Variants in IFNAR1 observed in about 807,000 individuals in gnomAD.
The protein encoded by IFNAR1 is interferon alpha/beta receptor 1.
In IFNAR1, 47 loss-of-function variants were observed where a neutral mutation model predicts 62.1. The observed-to-expected ratio is 0.76, with a 90% CI of 0.60 to 0.97. IFNAR1 has a LOEUF of 0.97. IFNAR1 is among the 50% of genes least tolerant of loss of function. The pLI, the probability that IFNAR1 is intolerant of heterozygous loss-of-function variation, is 0.00. For synonymous variants in IFNAR1, 219 were observed against 226.9 expected (o/e 0.97, Z 0.31); for missense variants, 638 against 654.5 (o/e 0.97, Z 0.27).
intron 5 of IFNAR1, 21 bp downstream of exon 5, chr21:33,343,697 T>G (rs752548073): frequency 1.0e-5 from 16 of 1,533,822 alleles, no homozygotes; most frequent in Non-Finnish European, 1.2e-5. Flanking sequence ...TGTTTTGTTT[T>G]AGATTCAATA....
chr21:33,325,993 G>A (rs1191034434), intron 1 of IFNAR1, among the ~76,000 whole-genome samples: 1 of 151,960 alleles, frequency 6.6e-6, no homozygotes, highest in Non-Finnish European at 1.5e-5. Context: ...ATTGTTGGGG[G>A]GCTTAGAATT....
Position 33,353,624 on chromosome 21 carries a change from G to A in IFNAR1, c.1295-14G>A, listed in dbSNP as rs374733127. On this transcript the variant is annotated splice_polypyrimidine_tract_variant and intron_variant, in intron 9 of 10. Transcript: ENST00000270139. ...TGTCAAAATATATGCTAAATATCAC[G>A]TATATCTTTTTAGGAAATACCTCTA... The A allele has an allele frequency of 7.5e-6, 11 of 1,464,700 alleles. No individual in the cohort carries two copies. The highest frequency in any genetic ancestry group is 3.7e-5 in the South Asian group (3 of 80,678). The allele number at this position is 1,464,700 out of a possible 1,614,324, so 90.7% of individuals were successfully genotyped here.
At chr21:33,344,527 A>G (rs2083326475) in intron 5 of IFNAR1, among the ~76,000 whole-genome samples, 1 of 151,704 alleles carries the variant, frequency 6.6e-6, no homozygotes, top group Non-Finnish European at 1.5e-5. Flanking sequence ...AGAGATAAGC[A>G]TTGCTTAGCA....
intron 3 of IFNAR1, among the ~76,000 whole-genome samples, chr21:33,342,322 G>A (rs1044208392): frequency 2.0e-5 from 3 of 152,058 alleles, no homozygotes; most frequent in African/African-American, 2.4e-5. Flanking sequence ...GAAGAGGGAG[G>A]ATCACTTGAG....
At chr21:33,326,879 A>G (rs2083131630) in intron 1 of IFNAR1, among the ~76,000 whole-genome samples, 1 of 152,002 alleles carries the variant, frequency 6.6e-6, no homozygotes, top group Admixed American at 6.6e-5. Flanking sequence ...CTTACTTGGG[A>G]TGCATGGGGG....
At chr21:33,352,690 A>C in intron 8 of IFNAR1, 68 bp from the exon 9 acceptor site, 1 of 839,332 alleles carries the variant, frequency 1.2e-6, no homozygotes, top group Non-Finnish European at 1.9e-6. Context: ...TAAAAAATTG[A>C]GAAAGCACAT....
intron 1 of IFNAR1, among the ~76,000 whole-genome samples, chr21:33,331,224 C>A (rs2083176589): frequency 1.3e-5 from 2 of 152,318 alleles, no homozygotes; most frequent in African/African-American, 4.8e-5. Context: ...ATCCTATTTC[C>A]TGGGAACACA....
At chr21:33,337,470 A>G (rs576131702) in intron 2 of IFNAR1, among the ~76,000 whole-genome samples, 40 of 152,202 alleles carry the variant, frequency 2.6e-4, no homozygotes, top group African/African-American at 9.2e-4. Context: ...AAAGCAGGCA[A>G]TGAAGAAATA....
At chr21:33,335,110 C>G (rs980541610) in intron 1 of IFNAR1, 2 of 723,956 alleles carry the variant, frequency 2.8e-6, no homozygotes, top group Non-Finnish European at 5.0e-6. Context: ...TTTATTTGGA[C>G]GTAACACCAT....
chr21:33,343,292 A>T lies in IFNAR1; in HGVS notation c.401A>T (p.His134Leu). 6.2e-7 allele frequency: 1 copy of T among 1,613,242 alleles called. No homozygotes were observed. Among genetic ancestry groups the T allele is most frequent in the Admixed American group, 1.7e-5 (1 of 59,902 alleles). The change falls in exon 4 of 11, where the codon CAT becomes CTT. Residue 134 changes from histidine (H) to leucine (L), a missense_variant. Transcript: ENST00000270139. The part of the protein sequence containing the change: ...RKAQIGPPEV[H>L]LEAEDKAIVI... ...GCTCAGATTGGTCCTCCAGAAGTAC[A>T]TTTAGAAGCTGAAGATAAGGCAATA...
Position 33,343,417 on chromosome 21 carries a change from G to C in IFNAR1, c.526G>C (p.Val176Leu), listed in dbSNP as rs1162634704. The C allele has an allele frequency of 6.2e-7, 1 of 1,610,146 alleles. No individual in the cohort carries two copies. The highest frequency in any genetic ancestry group is 1.3e-5 in the African/African-American group (1 of 74,838). ...AGTTATCTGGAAAAACTCTTCAGGTGTAGAAGTAAGCATTATTTTTACCTC... is the reference window on the plus strand; with the variant it reads ...AGTTATCTGGAAAAACTCTTCAGGTCTAGAAGTAAGCATTATTTTTACCTC... ...SLVIWKNSSGVEERIENIYSR... is the reference protein window; with the variant it reads ...SLVIWKNSSGLEERIENIYSR... The change falls in exon 4 of 11, where the codon GTA becomes CTA. Residue 176 changes from valine to leucine, a missense_variant. Coordinates refer to ENST00000270139, the MANE Select transcript of IFNAR1 (RefSeq NM_000629.3).
At chr21:33,325,177 C>T (rs2083114308) in intron 1 of IFNAR1, 46 bp downstream of exon 1, 2 of 1,533,054 alleles carry the variant, frequency 1.3e-6, no homozygotes, top group Non-Finnish European at 1.8e-6. Context: ...GGAGGTAGGG[C>T]ACGCAGCTGG....
intron 6 of IFNAR1, 110 bp from the exon 7 acceptor site, chr21:33,348,981 C>T: frequency 7.7e-6 from 5 of 650,124 alleles, no homozygotes; most frequent in Non-Finnish European, 1.3e-5. Flanking sequence ...TGTGAGTTTC[C>T]TGAGTGTGGA....
intron 1 of IFNAR1, chr21:33,335,150 A>C (rs1601855412): frequency 3.3e-6 from 2 of 600,494 alleles, no homozygotes; most frequent in Admixed American, 2.5e-5. Flanking sequence ...CTATCTATCT[A>C]TGAACATACA....
chr21:33,350,924 G>A (rs941555801), intron 8 of IFNAR1, among the ~76,000 whole-genome samples: 1 of 152,120 alleles, frequency 6.6e-6, no homozygotes, highest in African/African-American at 2.4e-5. Flanking sequence ...CCTCTTCTCT[G>A]AAGTGGTGGT....
At chr21:33,332,605 A>G (rs1427479047) in intron 1 of IFNAR1, among the ~76,000 whole-genome samples, 1 of 152,232 alleles carries the variant, frequency 6.6e-6, no homozygotes, top group Admixed American at 6.5e-5. Context: ...ATACAAGAAA[A>G]TACAGATAGT....
At chr21:33,349,785 G>T (rs1601863723) in intron 8 of IFNAR1, among the ~76,000 whole-genome samples, 1 of 151,976 alleles carries the variant, frequency 6.6e-6, no homozygotes, top group South Asian at 2.1e-4. Context: ...AATTAGCCTG[G>T]TGTGGTGGCG....
chr21:33,331,587 G>T lies in IFNAR1; in HGVS notation c.77-3937G>T, dbSNP rs966194451. ...TGAGGAGTGGAGTCATCACTGTGCT[G>T]TTCCCTACCCCCCATTCCCAGCCCA... On this transcript the variant is annotated intron_variant, in intron 1 of 10. Coordinates refer to ENST00000270139, the MANE Select transcript of IFNAR1 (RefSeq NM_000629.3). Among the ~76,000 whole-genome samples the T allele has an allele frequency of 2.6e-5, 4 of 152,134 alleles. No homozygotes were observed. The East Asian group carries it at 7.7e-4, about 29-fold the overall frequency.
chr21:33,325,429 A>G (rs1298462297), intron 1 of IFNAR1, among the ~76,000 whole-genome samples: 1 of 152,126 alleles, frequency 6.6e-6, no homozygotes, highest in Non-Finnish European at 1.5e-5. Context: ...TCTTTCCGGG[A>G]AAGTACCGCG....
Sources: allele counts gnomAD v4.1 joint callset (sites outside exome capture counted in the v4.1 genomes callset), GRCh38; gene constraint gnomAD v4.1.1; transcripts MANE v1.5; gene names NCBI Gene and HGNC (gene_info 2026-07-23, HGNC 2026-07-21).